L3MBTL4: variants seen among roughly 807,000 people sequenced by gnomAD.
The protein encoded by L3MBTL4 is lethal(3)malignant brain tumor-like protein 4.
A neutral mutation model predicts 84.5 loss-of-function variants in L3MBTL4; 70 were observed. That is an observed-to-expected ratio of 0.83 (90% CI 0.68 to 1.01). L3MBTL4 has a LOEUF of 1.01. Among genes scored for constraint, L3MBTL4 ranks in the 50% least tolerant of loss-of-function variants. The pLI is 0.00. For missense variants in L3MBTL4, 715 were observed against 754.8 expected, an observed-to-expected ratio of 0.95 and a Z score of 0.62; for synonymous variants, 274 against 259.8, an observed-to-expected ratio of 1.05 and a Z score of -0.52.
intron 13 of L3MBTL4, among the ~76,000 whole-genome samples, chr18:6,143,783 G>A (rs1048734288): frequency 1.3e-5 from 2 of 152,106 alleles, no homozygotes; most frequent in Admixed American, 1.3e-4. Context: ...ACTAGAGTGA[G>A]GACATTTACC....
chr18:6,333,022 T>C (rs187035684), intron 1 of L3MBTL4, among the ~76,000 whole-genome samples: 1 of 152,334 alleles, frequency 6.6e-6, no homozygotes. Context: ...ATTTCCATTC[T>C]GTAATGTCTT....
At chr18:5,959,089 T>G (rs1382422940) in intron 18 of L3MBTL4, among the ~76,000 whole-genome samples, 3 of 152,186 alleles carry the variant, frequency 2.0e-5, no homozygotes, top group Non-Finnish European at 4.4e-5. Flanking sequence ...TCTACTGTGC[T>G]CGGAGGGGTC....
chr18:6,086,799 C>A (rs1330807289), intron 15 of L3MBTL4, among the ~76,000 whole-genome samples: 1 of 152,120 alleles, frequency 6.6e-6, no homozygotes, highest in East Asian at 1.9e-4. Flanking sequence ...TTTCTTTATT[C>A]CTCTTCCATC....
rs575999627 is a variant in L3MBTL4, at chr18:6,051,610, G to A, written c.1444+29271C>T. On this transcript the variant is annotated intron_variant, in intron 16 of 18. Coordinates refer to ENST00000317931, the MANE Select transcript of L3MBTL4 (RefSeq NM_001330559.2). ...CTTTCCTTGGTAGGACAGATTCAGT[G>A]GATGATTGCGGCCCTTTCTTCAAAA... 8.7e-4 allele frequency among the ~76,000 whole-genome samples: 132 copies of A among 152,260 alleles called. 2 individuals carry two copies. The highest frequency in any genetic ancestry group is 1.7e-3 in the Non-Finnish European group (119 of 68,028).
intron 16 of L3MBTL4, chr18:6,029,495 T>C (rs1029040613): frequency 2.0e-6 from 2 of 980,256 alleles, no homozygotes; most frequent in Non-Finnish European, 2.4e-6. Flanking sequence ...CACAGAAATA[T>C]ACAATCTTTC....
intron 1 of L3MBTL4, among the ~76,000 whole-genome samples, chr18:6,387,855 G>A (rs1599870811): frequency 6.6e-6 from 1 of 152,304 alleles, no homozygotes; most frequent in African/African-American, 2.4e-5. Context: ...TTCTGAAAAA[G>A]AGAGGAGCAG....
chr18:6,284,131 C>A (rs548547086), intron 4 of L3MBTL4, among the ~76,000 whole-genome samples: 36 of 152,272 alleles, frequency 2.4e-4, no homozygotes, highest in African/African-American at 8.2e-4. Context: ...TGGTATCATT[C>A]AATTATGCAT....
chr18:6,185,960 C>CTTTATTTTATTTTACTTTAT (rs1555682204), intron 12 of L3MBTL4, among the ~76,000 whole-genome samples: 24 of 145,788 alleles, frequency 1.6e-4, no homozygotes, highest in African/African-American at 6.5e-4. Context: ...AGGGCACTTT[C>CTTTATTTTATTTTACTTTAT]TTTATTTTAT....
chr18:5,983,169 G>A lies in L3MBTL4; in HGVS notation c.1445-13607C>T, dbSNP rs78240214. On this transcript the variant is annotated intron_variant, in intron 16 of 18. Transcript: ENST00000317931. ...ATGAAGGAAACTCCTTACTTGTAACGATATGGTAAGCCTCTTCTTCAAGTA... is the reference window on the plus strand; with the variant it reads ...ATGAAGGAAACTCCTTACTTGTAACAATATGGTAAGCCTCTTCTTCAAGTA... Among the ~76,000 whole-genome samples the A allele has an allele frequency of 9.8e-5, 15 of 152,286 alleles. No homozygotes were observed. In the East Asian group the frequency reaches 2.5e-3, roughly 25 times the overall value.
At chr18:6,095,725 C>G (rs188746701) in intron 14 of L3MBTL4, among the ~76,000 whole-genome samples, 203 of 152,138 alleles carry the variant, frequency 1.3e-3, no homozygotes, top group African/African-American at 4.7e-3. Flanking sequence ...GCAGAGAGAC[C>G]CAGAGGCAAG....
intron 16 of L3MBTL4, among the ~76,000 whole-genome samples, chr18:6,028,536 T>C (rs918650365): frequency 6.6e-6 from 1 of 152,226 alleles, no homozygotes; most frequent in African/African-American, 2.4e-5. Context: ...TCTGGTTCCA[T>C]ATGAAATTTA....
intron 10 of L3MBTL4, among the ~76,000 whole-genome samples, chr18:6,231,506 T>C (rs1008181183): frequency 2.6e-4 from 40 of 152,262 alleles, no homozygotes; most frequent in Admixed American, 2.6e-3. Context: ...AGTCTGGCAA[T>C]GGGATGCCTT....
chr18:6,232,076 T>C (rs1005559931), intron 10 of L3MBTL4, among the ~76,000 whole-genome samples: 2 of 152,140 alleles, frequency 1.3e-5, no homozygotes, highest in Non-Finnish European at 2.9e-5. Context: ...CTCTACCTTG[T>C]TGAATGTTTT....
At position 6,238,016 on chromosome 18, in the gene L3MBTL4, G is replaced by A. The variant is rs764187817; in HGVS notation, c.732C>T (p.Val244=). 2 of 1,614,074 alleles carry A rather than the reference G, an allele frequency of 1.2e-6. No homozygotes were observed. The highest frequency in any genetic ancestry group is 1.1e-5 in the South Asian group (1 of 91,080). The change falls in exon 10 of 19, where the codon GTC becomes GTT. Residue 244 remains valine, a synonymous_variant. Transcript: ENST00000317931. Reference sequence around the variant, plus strand: ...TCTCCTGACACCAACCAACTGGCTGGACATAAGGGCTATTAACATCGCACC... The same window carrying A: ...TCTCCTGACACCAACCAACTGGCTGAACATAAGGGCTATTAACATCGCACC... ...DYWCDVNSPY[V]QPVGWCQENG... is the part of the protein sequence containing the mutation.
At position 6,176,567 on chromosome 18, in the gene L3MBTL4, C is replaced by G. The variant is rs993941696; in HGVS notation, c.982-4625G>C. On this transcript the variant is annotated intron_variant, in intron 12 of 18. Coordinates refer to ENST00000317931, the MANE Select transcript of L3MBTL4 (RefSeq NM_001330559.2). ...ACATACACAAGTATTTGAAATGAAA[C>G]ATAAACAAAACATAAAAGCTAAAAC... Among the ~76,000 whole-genome samples, 10 of 152,000 alleles carry G rather than the reference C, an allele frequency of 6.6e-5. No individual in the cohort carries two copies. In the East Asian group the frequency reaches 1.9e-3, roughly 29 times the overall value.
At chr18:6,163,257 T>TGGG (rs1213143944) in intron 13 of L3MBTL4, among the ~76,000 whole-genome samples, 1 of 44,176 alleles carries the variant, frequency 2.3e-5, no homozygotes, top group Non-Finnish European at 4.9e-5. Flanking sequence ...GGTGTGTGTG[T>TGGG]GTGGGGGGGG....
intron 16 of L3MBTL4, among the ~76,000 whole-genome samples, chr18:6,024,334 C>A (rs2055406283): frequency 6.6e-6 from 1 of 152,156 alleles, no homozygotes; most frequent in East Asian, 1.9e-4. Context: ...GTGGTGGTCT[C>A]CTGGTTTTCC....
intron 16 of L3MBTL4, among the ~76,000 whole-genome samples, chr18:6,036,951 G>A (rs1447960466): frequency 6.6e-6 from 1 of 152,020 alleles, no homozygotes; most frequent in East Asian, 1.9e-4. Flanking sequence ...TTTAATGTCT[G>A]GTCCCAAAAG....
intron 1 of L3MBTL4, among the ~76,000 whole-genome samples, chr18:6,409,567 T>G (rs2055880859): frequency 6.6e-6 from 1 of 152,148 alleles, no homozygotes; most frequent in Admixed American, 6.5e-5. Context: ...GATGGCACAC[T>G]CTAAGACTGT....
Sources: gnomAD v4.1 joint callset for allele counts (sites outside exome capture counted in the v4.1 genomes callset) on GRCh38, gnomAD v4.1.1 for gene constraint, MANE v1.5 for transcripts, NCBI Gene and HGNC (gene_info 2026-07-23, HGNC 2026-07-21) for gene names.